GPC5: variants seen among roughly 807,000 people sequenced by gnomAD.
The protein encoded by GPC5 is glypican-5.
A neutral mutation model predicts 53.9 loss-of-function variants in GPC5; 47 were observed. The observed-to-expected ratio is 0.87, with a 90% CI of 0.69 to 1.11. GPC5 has a LOEUF of 1.11. Among genes scored for constraint, GPC5 ranks in the 50% most tolerant of loss-of-function variants. The pLI, the probability that GPC5 is intolerant of heterozygous loss-of-function variation, is 0.00. For missense variants in GPC5, 748 were observed against 713.1 expected (o/e 1.05, Z -0.56); for synonymous variants, 286 against 263.3 (o/e 1.09, Z -0.84).
intron 3 of GPC5, among the ~76,000 whole-genome samples, chr13:91,714,796 A>G (rs928784876): frequency 1.8e-4 from 28 of 152,158 alleles, no homozygotes; most frequent in African/African-American, 5.5e-4. Flanking sequence ...TGAGGCCCCA[A>G]CTGGGGCTTA....
chr13:91,717,647 C>A (rs1183451785), intron 3 of GPC5, among the ~76,000 whole-genome samples: 1 of 152,106 alleles, frequency 6.6e-6, no homozygotes, highest in African/African-American at 2.4e-5. Context: ...ACCTCCACCT[C>A]CGGGATTCAA....
intron 7 of GPC5, among the ~76,000 whole-genome samples, chr13:92,416,596 T>G (rs1028483219): frequency 6.6e-6 from 1 of 152,164 alleles, no homozygotes; most frequent in African/African-American, 2.4e-5. Flanking sequence ...AAACATAAAG[T>G]AGTATCTAAA....
At chr13:91,422,901 T>TAGTC (rs1248604491) in intron 1 of GPC5, among the ~76,000 whole-genome samples, 2 of 152,206 alleles carry the variant, frequency 1.3e-5, no homozygotes, top group Non-Finnish European at 2.9e-5. Context: ...TCTCATGACC[T>TAGTC]AGTCACCTCT....
At chr13:91,707,874 T>C (rs2036141484) in intron 3 of GPC5, among the ~76,000 whole-genome samples, 1 of 152,106 alleles carries the variant, frequency 6.6e-6, no homozygotes, top group Non-Finnish European at 1.5e-5. Context: ...TCACAGCATA[T>C]TCCTAATAGT....
At chr13:92,494,113 G>A (rs7984276) in intron 7 of GPC5, among the ~76,000 whole-genome samples, 2,777 of 149,556 alleles carry the variant, frequency 0.019, 94 homozygotes, top group African/African-American at 0.067. Context: ...TTTTTGAGAC[G>A]GAGTCTCGCT....
Position 91,621,754 on chromosome 13 carries a change from CAGAACATTATATATATATATATATAT to C in GPC5, c.326-71431_326-71406del, listed in dbSNP as rs1204799393. Among the ~76,000 whole-genome samples, 29 of 2,204 alleles carry C rather than the reference CAGAACATTATATATATATATATATAT, an allele frequency of 0.013. No individual in the cohort carries two copies. In the East Asian group the frequency reaches 0.45, roughly 34 times the overall value. The allele number at this position is 2,204 out of a possible 152,430, so 1.4% of individuals were successfully genotyped here. A position where few individuals can be genotyped will look rare whatever the true frequency, so the allele number is the denominator to read the frequency against. ...TATTAGTCAGGGTTCTCTAAAGGGACAGAACATTATATATATATATATATATATATATATATATGAAGGGGAGTTTA... is the reference window on the plus strand; with the variant it reads ...TATTAGTCAGGGTTCTCTAAAGGGACATATATATATATGAAGGGGAGTTTA... On this transcript the variant is annotated intron_variant, in intron 2 of 7. Transcript: ENST00000377067.
chr13:92,641,432 T>C lies in GPC5; in HGVS notation c.1562-224850T>C, dbSNP rs555485186. ...ATAAAGAAAGGCAGAGAAACGCTGA[T>C]AGAATAAAGAAGGTGAAAGAGATAT... On this transcript the variant is annotated intron_variant, in intron 7 of 7. Transcript: ENST00000377067. Among the ~76,000 whole-genome samples the C allele has an allele frequency of 2.6e-5, 4 of 152,244 alleles. 1 individual carries two copies. Among genetic ancestry groups the C allele is most frequent in the East Asian group, 3.9e-4 (2 of 5,184 alleles).
At chr13:92,010,834 G>A (rs931822490) in intron 6 of GPC5, among the ~76,000 whole-genome samples, 18 of 152,230 alleles carry the variant, frequency 1.2e-4, no homozygotes, top group African/African-American at 3.6e-4. Context: ...TTCAGCTTTC[G>A]GAATTGTGAT....
At chr13:91,984,216 T>C (rs1038759682) in intron 6 of GPC5, among the ~76,000 whole-genome samples, 2 of 152,200 alleles carry the variant, frequency 1.3e-5, no homozygotes, top group African/African-American at 4.8e-5. Flanking sequence ...TACTATTCCA[T>C]TATTATTCTG....
chr13:92,333,695 A>T (rs1390738847), intron 7 of GPC5, among the ~76,000 whole-genome samples: 2 of 152,056 alleles, frequency 1.3e-5, no homozygotes, highest in African/African-American at 4.8e-5. Flanking sequence ...TTACTACAAC[A>T]TGCTACTAGC....
intron 7 of GPC5, among the ~76,000 whole-genome samples, chr13:92,782,793 T>C (rs541063759): frequency 6.6e-6 from 1 of 152,198 alleles, no homozygotes; most frequent in East Asian, 1.9e-4. Context: ...GGACTGCATA[T>C]TAAACGTGCC....
chr13:92,443,955 A>G (rs1566592840), intron 7 of GPC5, among the ~76,000 whole-genome samples: 1 of 152,198 alleles, frequency 6.6e-6, no homozygotes, highest in Non-Finnish European at 1.5e-5. Flanking sequence ...GTGGATTCCT[A>G]TTATTTCCCA....
chr13:91,509,632 G>A (rs1885131489), intron 2 of GPC5, among the ~76,000 whole-genome samples: 1 of 151,810 alleles, frequency 6.6e-6, no homozygotes. Flanking sequence ...GCTCAAAAGA[G>A]TTTTATATTA....
intron 7 of GPC5, among the ~76,000 whole-genome samples, chr13:92,828,538 A>C (rs1877931163): frequency 1.3e-5 from 2 of 152,284 alleles, no homozygotes; most frequent in Middle Eastern, 3.4e-3. Context: ...GATGTGATAT[A>C]GATTCAGACA....
intron 5 of GPC5, among the ~76,000 whole-genome samples, chr13:91,852,446 G>A (rs1272637984): frequency 6.6e-6 from 1 of 150,510 alleles, no homozygotes; most frequent in African/African-American, 2.4e-5. Flanking sequence ...AAGATCCTAG[G>A]TGTCACTTTT....
Position 92,632,993 on chromosome 13 carries a change from C to T in GPC5, c.1562-233289C>T, listed in dbSNP as rs370352715. Among the ~76,000 whole-genome samples, 76 of 152,222 alleles carry T rather than the reference C, an allele frequency of 5.0e-4. No homozygotes were observed. The South Asian group carries it at 6.6e-3, about 13-fold the overall frequency. ...GCAATCTCTGTCTCCGGGGTTCAAGCGGTTCTCCTGCCTCAGCCTCCTGAG... is the reference window on the plus strand; with the variant it reads ...GCAATCTCTGTCTCCGGGGTTCAAGTGGTTCTCCTGCCTCAGCCTCCTGAG... On this transcript the variant is annotated intron_variant, in intron 7 of 7. Coordinates refer to ENST00000377067, the MANE Select transcript of GPC5 (RefSeq NM_004466.6).
intron 6 of GPC5, 35 bp from the exon 7 acceptor site, chr13:92,144,795 G>T (rs1018266966): frequency 6.3e-7 from 1 of 1,581,744 alleles, no homozygotes; most frequent in Non-Finnish European, 8.6e-7. Flanking sequence ...ATTCAAATTT[G>T]CTATTAGTAA....
rs145136726 is a variant in GPC5 at position 92,176,720 on chromosome 13, A to G, written c.1561+31731A>G. 1.1e-3 allele frequency among the ~76,000 whole-genome samples: 161 copies of G among 152,224 alleles called. 1 individual carries two copies. Among genetic ancestry groups the G allele is most frequent in the Non-Finnish European group, 1.4e-3 (98 of 68,014 alleles). On this transcript the variant is annotated intron_variant, in intron 7 of 7. Coordinates refer to ENST00000377067, the MANE Select transcript of GPC5 (RefSeq NM_004466.6). Reference sequence around the variant, plus strand: ...ACCTCCCTCCAGAGTGCCTGGAGCTAGGCCCAGTGGTTCCTCACCTCAACG... The same window carrying G: ...ACCTCCCTCCAGAGTGCCTGGAGCTGGGCCCAGTGGTTCCTCACCTCAACG...
At chr13:91,813,211 A>G (rs1213394665) in intron 5 of GPC5, among the ~76,000 whole-genome samples, 2 of 152,176 alleles carry the variant, frequency 1.3e-5, no homozygotes, top group African/African-American at 4.8e-5. Context: ...TTATGTGTGC[A>G]TGTTTATTTT....
Sources: allele counts gnomAD v4.1 joint callset (sites outside exome capture counted in the v4.1 genomes callset), GRCh38; gene constraint gnomAD v4.1.1; transcripts MANE v1.5; gene names NCBI Gene and HGNC (gene_info 2026-07-23, HGNC 2026-07-21).